The following PSD3 variants were observed in gnomAD, a reference collection of about 807,000 sequenced individuals.
The protein encoded by PSD3 is pleckstrin and Sec7 domain containing 3, also known as PH and SEC7 domain-containing protein 3.
PSD3 carries 49 observed loss-of-function variants against 105.5 expected under a neutral mutation model. That is an observed-to-expected ratio of 0.46 (90% CI 0.37 to 0.59). PSD3 has a LOEUF of 0.59. Ranked by LOEUF, PSD3 falls within the 20% of genes least tolerant of loss-of-function variation. The pLI, the probability that PSD3 is intolerant of heterozygous loss-of-function variation, is 0.00. For synonymous variants in PSD3, 557 were observed against 457.8 expected, an observed-to-expected ratio of 1.22 and a Z score of -2.77; for missense variants, 1,561 against 1,263.8, an observed-to-expected ratio of 1.24 and a Z score of -3.57.
chr8:18,686,432 T>A lies in PSD3; in HGVS notation c.2173-30747A>T, dbSNP rs147117509. Among the ~76,000 whole-genome samples the A allele has an allele frequency of 6.9e-3, 1,052 of 152,354 alleles. 10 individuals are homozygous for A. The highest frequency in any genetic ancestry group is 8.7e-3 in the Non-Finnish European group (592 of 68,036). On this transcript the variant is annotated intron_variant, in intron 9 of 15. Coordinates refer to ENST00000327040, the MANE Select transcript of PSD3 (RefSeq NM_015310.4). ...TGCCCTGTCCTTTTTAAACCTGCCA[T>A]GAGCTTTTCTGCAAGTCAGGGAGAG...
chr8:18,724,997 C>T (rs991126485), intron 9 of PSD3, among the ~76,000 whole-genome samples: 1 of 152,132 alleles, frequency 6.6e-6, no homozygotes, highest in African/African-American at 2.4e-5. Flanking sequence ...TTTTAAAAGA[C>T]AAAGTGAACA....
At chr8:18,559,660 A>T (rs1801277769) in intron 14 of PSD3, among the ~76,000 whole-genome samples, 1 of 152,106 alleles carries the variant, frequency 6.6e-6, no homozygotes, top group South Asian at 2.1e-4. Flanking sequence ...ATCTATGCAA[A>T]TATGCTTTCA....
chr8:18,907,708 CTGA>C (rs1335915647), intron 2 of PSD3, among the ~76,000 whole-genome samples: 7 of 152,210 alleles, frequency 4.6e-5, no homozygotes, highest in Non-Finnish European at 1.0e-4. Context: ...GCGAAATCGC[CTGA>C]TGACCTATTT....
At chr8:18,544,267 T>C (rs1800329214) in intron 15 of PSD3, among the ~76,000 whole-genome samples, 1 of 150,996 alleles carries the variant, frequency 6.6e-6, no homozygotes, top group African/African-American at 2.4e-5. Flanking sequence ...CCCTTCTGCG[T>C]ACTACGAGAT....
intron 2 of PSD3, among the ~76,000 whole-genome samples, chr8:18,928,566 A>G (rs1821524503): frequency 2.6e-5 from 4 of 152,198 alleles, no homozygotes; most frequent in Admixed American, 2.6e-4. Context: ...TAGTCATAAC[A>G]ATGATTCCAT....
chr8:18,804,380 A>T, intron 6 of PSD3, 142 bp downstream of exon 6: 1 of 729,886 alleles, frequency 1.4e-6, no homozygotes, highest in South Asian at 2.1e-5. Flanking sequence ...TTATGGACCC[A>T]AACATTTTGG....
At chr8:19,029,976 G>C (rs1180511215) in intron 1 of PSD3, among the ~76,000 whole-genome samples, 3 of 152,124 alleles carry the variant, frequency 2.0e-5, no homozygotes, top group African/African-American at 7.2e-5. Context: ...TCTCTGTAAA[G>C]AGCCTTTTTG....
At position 18,777,807 on chromosome 8, in the gene PSD3, C is replaced by A. The variant is rs138316181; in HGVS notation, c.2083-12269G>T. On this transcript the variant is annotated intron_variant, in intron 8 of 15. Coordinates refer to ENST00000327040, the MANE Select transcript of PSD3 (RefSeq NM_015310.4). ...TCGCCTCCCTTTAATCCCACCACCA[C>A]CACTATCCACAGCCTCTGGTAAATA... Among the ~76,000 whole-genome samples, 12 of 152,290 alleles carry A rather than the reference C, an allele frequency of 7.9e-5. No homozygotes were observed. In the East Asian group the frequency reaches 2.3e-3, roughly 29 times the overall value.
intron 4 of PSD3, among the ~76,000 whole-genome samples, chr8:18,825,951 T>C (rs1813146964): frequency 6.6e-6 from 1 of 152,196 alleles, no homozygotes; most frequent in East Asian, 1.9e-4. Context: ...TAAACATTGT[T>C]TCTGGGTGTG....
chr8:18,609,495 A>G (rs771652072), intron 11 of PSD3, among the ~76,000 whole-genome samples: 3 of 152,238 alleles, frequency 2.0e-5, no homozygotes, highest in Non-Finnish European at 4.4e-5. Flanking sequence ...CATCATCTAT[A>G]CTAGCTGTAA....
chr8:19,009,854 G>A (rs1391472409), intron 1 of PSD3, among the ~76,000 whole-genome samples: 1 of 152,138 alleles, frequency 6.6e-6, no homozygotes, highest in Non-Finnish European at 1.5e-5. Context: ...TCGCACCATT[G>A]CACTCCAGCC....
rs1802745445 is a variant in PSD3 at position 18,580,522 on chromosome 8, C to A, written c.2482-5237G>T. 2.0e-5 allele frequency among the ~76,000 whole-genome samples: 3 copies of A among 151,988 alleles called. No homozygotes were observed. In the South Asian group the frequency reaches 6.2e-4, roughly 32 times the overall value. On this transcript the variant is annotated intron_variant, in intron 12 of 15. Coordinates refer to ENST00000327040, the MANE Select transcript of PSD3 (RefSeq NM_015310.4). Reference sequence around the variant, plus strand: ...CTGTGATCGCACCACTGTGTTCCAGCCTGGGTGAAACAGTGAGAATCTGTG... The same window carrying A: ...CTGTGATCGCACCACTGTGTTCCAGACTGGGTGAAACAGTGAGAATCTGTG...
intron 1 of PSD3, among the ~76,000 whole-genome samples, chr8:19,047,135 A>T (rs1178036176): frequency 6.6e-6 from 1 of 152,224 alleles, no homozygotes; most frequent in African/African-American, 2.4e-5. Context: ...AGGAAGCAGA[A>T]ACTAAACTAG....
At chr8:18,612,060 AAAG>A (rs1161946246) in intron 11 of PSD3, among the ~76,000 whole-genome samples, 2 of 152,256 alleles carry the variant, frequency 1.3e-5, no homozygotes, top group Non-Finnish European at 2.9e-5. Flanking sequence ...AACAAGCTGT[AAAG>A]AAGAAAAACA....
intron 12 of PSD3, among the ~76,000 whole-genome samples, chr8:18,599,225 C>G (rs371625050): frequency 3.3e-5 from 5 of 152,114 alleles, no homozygotes; most frequent in Non-Finnish European, 7.4e-5. Context: ...CATAGACCAA[C>G]AGAATGGAAC....
At chr8:18,585,960 G>C (rs1803153710) in intron 12 of PSD3, among the ~76,000 whole-genome samples, 1 of 152,044 alleles carries the variant, frequency 6.6e-6, no homozygotes, top group Non-Finnish European at 1.5e-5. Context: ...TTTTGGAAGA[G>C]CCTTTTAATG....
intron 1 of PSD3, among the ~76,000 whole-genome samples, chr8:18,992,332 T>C (rs183753427): frequency 1.3e-5 from 2 of 152,056 alleles, no homozygotes; most frequent in East Asian, 3.9e-4. Context: ...AATCTTCTAA[T>C]CTTCTGTTCA....
intron 11 of PSD3, among the ~76,000 whole-genome samples, chr8:18,614,227 G>A (rs895826317): frequency 1.8e-4 from 28 of 152,020 alleles, no homozygotes; most frequent in Non-Finnish European, 3.2e-4. Flanking sequence ...TAACAGCTGT[G>A]TAACTTATCA....
At chr8:18,718,369 C>G (rs1486095165) in intron 9 of PSD3, among the ~76,000 whole-genome samples, 1 of 152,188 alleles carries the variant, frequency 6.6e-6, no homozygotes. Context: ...AGATTTGTAG[C>G]TTTAGCATAT....
Sources: gnomAD v4.1 joint callset for allele counts (sites outside exome capture counted in the v4.1 genomes callset) on GRCh38, gnomAD v4.1.1 for gene constraint, MANE v1.5 for transcripts, NCBI Gene and HGNC (gene_info 2026-07-23, HGNC 2026-07-21) for gene names.